Variants in NOS2 observed in about 807,000 individuals in gnomAD.
NOS2 encodes the protein nitric oxide synthase, inducible.
Under a neutral mutation model 136.0 loss-of-function variants are expected in NOS2, and 96 were observed. That is an observed-to-expected ratio of 0.71 (90% CI 0.60 to 0.84). The LOEUF is 0.84. Ranked by LOEUF, NOS2 falls within the 40% of genes least tolerant of loss-of-function variation. NOS2 has a pLI of 0.00. For missense variants in NOS2, 1,237 were observed against 1,496.9 expected (o/e 0.83, Z 2.87); for synonymous variants, 539 against 587.5 (o/e 0.92, Z 1.20).
intron 26 of NOS2, 97 bp from the exon 27 acceptor site, chr17:27,757,450 T>G: frequency 1.1e-6 from 1 of 938,388 alleles, no homozygotes; most frequent in Non-Finnish European, 1.7e-6. Flanking sequence ...TCATGAGCCA[T>G]CTGTCTTCCC....
chr17:27,792,874 C>CAGCT (rs1909237054), intron 2 of NOS2, among the ~76,000 whole-genome samples: 1 of 151,026 alleles, frequency 6.6e-6, no homozygotes, highest in Non-Finnish European at 1.5e-5. Flanking sequence ...CCTGTAGTCC[C>CAGCT]AGCTACTCAG....
chr17:27,775,556 C>T (rs752025524), intron 11 of NOS2, among the ~76,000 whole-genome samples: 2 of 152,026 alleles, frequency 1.3e-5, no homozygotes, highest in East Asian at 3.9e-4. Flanking sequence ...GAGCCGAGAT[C>T]GCACCACTGC....
chr17:27,779,046 A>G lies in NOS2; in HGVS notation c.1015T>C (p.Phe339Leu). 6.6e-7 allele frequency: 1 copy of G among 1,524,334 alleles called. No homozygotes were observed. The highest frequency in any genetic ancestry group is 8.8e-7 in the Non-Finnish European group (1 of 1,132,850). The allele number at this position is 1,524,334 out of a possible 1,614,324, so 94.4% of individuals were successfully genotyped here. The change falls in exon 10 of 27, where the codon TTT becomes CTT. Residue 339 changes from phenylalanine to leucine, a missense_variant. Physicochemically the swap from Phe to Leu is conservative, Grantham distance 22 (BLOSUM62 0). Transcript: ENST00000313735. ...VAMEHPKYEW[F>L]RELELKWYAL... Reference sequence around the variant, plus strand: ...TACCACTTTAGCTCCAGTTCCCGAAACCACTCGTATCTGGCAAAAAGGTAG... The same window carrying G: ...TACCACTTTAGCTCCAGTTCCCGAAGCCACTCGTATCTGGCAAAAAGGTAG...
In NOS2 at chr17:27,774,250, C is replaced by G. The variant is rs537733821; in HGVS notation, c.1476+7G>C. 1 of 1,482,898 alleles carries G rather than the reference C, an allele frequency of 6.7e-7. No individual in the cohort carries two copies. The highest frequency in any genetic ancestry group is 1.4e-5 in the African/African-American group (1 of 70,132). 91.9% of individuals were successfully genotyped at this position (1,482,898 alleles called of 1,614,324 possible). A position where few individuals can be genotyped will look rare whatever the true frequency, so the allele number is the denominator to read the frequency against. ...CCCAGGAAGGAGAGAAGAGGAAGGCCCCTAACCTGATAGTAGTAGAAAGGG... is the reference window on the plus strand; with the variant it reads ...CCCAGGAAGGAGAGAAGAGGAAGGCGCCTAACCTGATAGTAGTAGAAAGGG... On this transcript the variant is annotated splice_region_variant and intron_variant, in intron 12 of 26. Transcript: ENST00000313735.
chr17:27,792,160 T>C (rs752516740), intron 2 of NOS2, among the ~76,000 whole-genome samples: 9 of 152,238 alleles, frequency 5.9e-5, no homozygotes, highest in Non-Finnish European at 7.3e-5. Context: ...ACTCTACAGA[T>C]GGGCCACGAT....
chr17:27,768,198 C>T (rs1263158545), intron 17 of NOS2, among the ~76,000 whole-genome samples: 1 of 152,042 alleles, frequency 6.6e-6, no homozygotes, highest in Non-Finnish European at 1.5e-5. Flanking sequence ...ACTACAGGTA[C>T]GCACAACCAA....
chr17:27,760,741 G>T lies in NOS2; in HGVS notation c.2892C>A (p.Ala964=), dbSNP rs28944200. The T allele has an allele frequency of 6.4e-4, 997 of 1,549,692 alleles. 1 individual carries two copies. Among genetic ancestry groups the T allele is most frequent in the Non-Finnish European group, 8.2e-4 (941 of 1,146,920 alleles). The change falls in exon 24 of 27, where the codon GCC becomes GCA. Residue 964 remains alanine (A), a synonymous_variant. Coordinates refer to ENST00000313735, the MANE Select transcript of NOS2 (RefSeq NM_000625.4). ...QDPVPCFVRN[A]SGFHLPEDPS... ...GATCCTCGGGGAGGTGGAAGCCGCTGGCACTGAAGAGGACAGGAGAAGAGG... is the reference window on the plus strand; with the variant it reads ...GATCCTCGGGGAGGTGGAAGCCGCTTGCACTGAAGAGGACAGGAGAAGAGG...
At chr17:27,789,071 C>T (rs1013546878) in intron 3 of NOS2, 140 bp from the exon 4 acceptor site, 23 of 1,197,864 alleles carry the variant, frequency 1.9e-5, no homozygotes, top group African/African-American at 6.1e-5. Flanking sequence ...TTCCAGCCCC[C>T]GGGCGACCTG....
At chr17:27,779,181 T>C (rs907934799) in intron 9 of NOS2, 125 bp from the exon 10 acceptor site, 53 of 653,104 alleles carry the variant, frequency 8.1e-5, no homozygotes, top group Middle Eastern at 4.8e-4. Context: ...GGCACAATCA[T>C]AACTCACTGC....
At chr17:27,762,433 G>C (rs1908162481) in intron 22 of NOS2, among the ~76,000 whole-genome samples, 1 of 152,198 alleles carries the variant, frequency 6.6e-6, no homozygotes, top group African/African-American at 2.4e-5. Flanking sequence ...CTTCACATCT[G>C]ATCTCATTAA....
chr17:27,784,841 C>T (rs1028147932), intron 5 of NOS2, among the ~76,000 whole-genome samples: 1 of 152,230 alleles, frequency 6.6e-6, no homozygotes, highest in Non-Finnish European at 1.5e-5. Flanking sequence ...GGCTGCCATT[C>T]CCCGTTCACA....
chr17:27,784,141 C>A (rs1266097135), intron 5 of NOS2, among the ~76,000 whole-genome samples: 1 of 151,244 alleles, frequency 6.6e-6, no homozygotes, highest in African/African-American at 2.4e-5. Flanking sequence ...GAAACACACA[C>A]ACACACACAC....
intron 5 of NOS2, among the ~76,000 whole-genome samples, chr17:27,785,708 A>G (rs984335051): frequency 6.6e-6 from 1 of 152,168 alleles, no homozygotes; most frequent in African/African-American, 2.4e-5. Context: ...CTGTAATCCC[A>G]GCACTTTGGG....
At chr17:27,784,297 T>A (rs1427303627) in intron 5 of NOS2, among the ~76,000 whole-genome samples, 1 of 152,156 alleles carries the variant, frequency 6.6e-6, no homozygotes, top group Non-Finnish European at 1.5e-5. Flanking sequence ...GGCCTTTCTG[T>A]GGATGAAGAG....
chr17:27,787,761 T>C lies in NOS2; in HGVS notation c.384A>G (p.Gly128=). ...SIMTPKSLTR[G]PRDKPTPPDE... ...CTGGAGGGGTAGGCTTGTCCCTGGG[T>C]CCTCTGGTCAAACTTTTGGGAGTCA... The change falls in exon 5 of 27, where the codon GGA becomes GGG. Residue 128 remains glycine, a synonymous_variant. Transcript: ENST00000313735. The C allele has an allele frequency of 1.2e-6, 2 of 1,613,704 alleles. No homozygotes were observed. The highest frequency in any genetic ancestry group is 1.7e-6 in the Non-Finnish European group (2 of 1,179,754).
At chr17:27,767,405 A>G (rs1262892040) in intron 18 of NOS2, among the ~76,000 whole-genome samples, 1 of 152,174 alleles carries the variant, frequency 6.6e-6, no homozygotes, top group Non-Finnish European at 1.5e-5. Context: ...TTCTCCCAGG[A>G]GGAGTGTCCA....
At position 27,792,286 on chromosome 17, in the gene NOS2, G is replaced by A. The variant is rs896018727; in HGVS notation, c.111-2598C>T. 2.0e-5 allele frequency among the ~76,000 whole-genome samples: 3 copies of A among 152,088 alleles called. 1 individual carries two copies. Among genetic ancestry groups the A allele is most frequent in the African/African-American group, 7.2e-5 (3 of 41,414 alleles). ...ATGCTGGCTGTGTGTGTGTGTGTGC[G>A]TACAAGCACAGAAAAACACCTCGAG... On this transcript the variant is annotated intron_variant, in intron 2 of 26. Coordinates refer to ENST00000313735, the MANE Select transcript of NOS2 (RefSeq NM_000625.4).
Position 27,772,460 on chromosome 17 carries a change from G to T in NOS2, c.1560-8C>A. 1.2e-6 allele frequency: 2 copies of T among 1,613,400 alleles called. No homozygotes were observed. The highest frequency in any genetic ancestry group is 1.7e-6 in the Non-Finnish European group (2 of 1,179,734). ...CAGGCAAAGAGCACAGCTCTGTGGG[G>T]ACAGACAGACAGGCAGGCGCTGTGT... On this transcript the variant is annotated splice_polypyrimidine_tract_variant and splice_region_variant and intron_variant, in intron 13 of 26. Transcript: ENST00000313735.
intron 18 of NOS2, among the ~76,000 whole-genome samples, chr17:27,767,447 C>T (rs564246127): frequency 3.9e-5 from 6 of 152,258 alleles, no homozygotes; most frequent in Non-Finnish European, 7.3e-5. Flanking sequence ...CCAGGAGCCC[C>T]GCACAGTGTC....
Sources: allele counts gnomAD v4.1 joint callset (sites outside exome capture counted in the v4.1 genomes callset), GRCh38; gene constraint gnomAD v4.1.1; transcripts MANE v1.5; gene names NCBI Gene and HGNC (gene_info 2026-07-23, HGNC 2026-07-21).